Variants in CD300E observed in about 807,000 individuals in gnomAD.
CD300E encodes the protein CD300e molecule, also known as CMRF35-like molecule 2.
CD300E carries 14 observed loss-of-function variants against 20.9 expected under a neutral mutation model. The observed-to-expected ratio is 0.67, with a 90% CI of 0.44 to 1.05. The LOEUF (loss-of-function observed/expected upper bound fraction) is 1.05, where lower values mean the gene tolerates loss of function less well. Ranked by LOEUF, CD300E falls within the 50% of genes least tolerant of loss-of-function variation. The pLI is 0.00. For missense variants in CD300E, 237 were observed against 253.9 expected (o/e 0.93, Z 0.45); for synonymous variants, 102 against 103.7 (o/e 0.98, Z 0.10).
chr17:74,616,587 G>T (rs981188656), intron 2 of CD300E, among the ~76,000 whole-genome samples: 1 of 152,148 alleles, frequency 6.6e-6, no homozygotes, highest in African/African-American at 2.4e-5. Context: ...AGCATTTAAA[G>T]GAAGCAGGTG....
At position 74,617,147 on chromosome 17, in the gene CD300E, G is replaced by C. The variant is rs771231187; in HGVS notation, c.359C>G (p.Ser120Trp). The part of the protein sequence containing the change: ...WVLDSWSRDP[S>W]DLVRVYVSPA... ...GGAAACATACACCCTAACCAGGTCC[G>C]AGGGATCGCGTGACCATGAATCCAG... The change falls in exon 2 of 4, where the codon TCG becomes TGG. Residue 120 changes from serine (S) to tryptophan (W), a missense_variant. Physicochemically the swap from Ser to Trp is radical, Grantham distance 177 (BLOSUM62 -3). Coordinates refer to ENST00000392619, the MANE Select transcript of CD300E (RefSeq NM_181449.3). 4 of 1,614,080 alleles carry C rather than the reference G, an allele frequency of 2.5e-6. No homozygotes were observed. In the Admixed American group the frequency reaches 5.0e-5, roughly 20 times the overall value.
chr17:74,620,511 T>C (rs2030998000), intron 1 of CD300E, among the ~76,000 whole-genome samples: 2 of 151,758 alleles, frequency 1.3e-5, no homozygotes, highest in Admixed American at 1.3e-4. Flanking sequence ...AGCATGGTGG[T>C]GTGCACCTGT....
At chr17:74,619,625 T>TACACACACACACAC (rs992348148) in intron 1 of CD300E, among the ~76,000 whole-genome samples, 1 of 149,602 alleles carries the variant, frequency 6.7e-6, no homozygotes, top group African/African-American at 2.5e-5. Context: ...CACACACACA[T>TACACACACACACAC]ACACACACAC....
intron 1 of CD300E, among the ~76,000 whole-genome samples, chr17:74,618,040 C>T (rs188753508): frequency 3.0e-4 from 46 of 152,318 alleles, no homozygotes; most frequent in African/African-American, 1.0e-3. Flanking sequence ...ATGACCCCCC[C>T]GACAATAGTC....
rs117806320 is a variant in CD300E at position 74,615,061 on chromosome 17, C to G, written c.389-1028G>C. Reference sequence around the variant, plus strand: ...CATGAGCCCCACCCCGTTGGAGGGGCAGAGACACATAAACAGACGGACTCA... The same window carrying G: ...CATGAGCCCCACCCCGTTGGAGGGGGAGAGACACATAAACAGACGGACTCA... On this transcript the variant is annotated intron_variant, in intron 2 of 3. Transcript: ENST00000392619. Among the ~76,000 whole-genome samples, 19 of 152,346 alleles carry G rather than the reference C, an allele frequency of 1.2e-4. No homozygotes were observed. The East Asian group carries it at 3.5e-3, about 28-fold the overall frequency.
rs1458969819 is a variant in CD300E at position 74,611,159 on chromosome 17, A to G, written c.*1494T>C. On this transcript the variant is annotated 3_prime_UTR_variant, in exon 4 of 4. Coordinates refer to ENST00000392619, the MANE Select transcript of CD300E (RefSeq NM_181449.3). The stretch of plus-strand genomic sequence containing the variant: ...GCTCATCATCATATTTCCCGGGTTA[A>G]TATAATTAATATGGGCCTTGTTAGA... The G allele has an allele frequency of 2.0e-5, 3 of 152,220 alleles. No individual in the cohort carries two copies. The highest frequency in any genetic ancestry group is 7.2e-5 in the African/African-American group (3 of 41,454). 9.4% of individuals were successfully genotyped at this position (152,220 alleles called of 1,614,324 possible).
chr17:74,611,836 C>T lies in CD300E; in HGVS notation c.*817G>A, dbSNP rs900206808. 9 of 152,332 alleles carry T rather than the reference C, an allele frequency of 5.9e-5. No individual in the cohort carries two copies. The highest frequency in any genetic ancestry group is 3.3e-4 in the Admixed American group (5 of 15,292). The allele number at this position is 152,332 out of a possible 1,614,324, so 9.4% of individuals were successfully genotyped here. ...CCTGGAGCAGCTCATCCACGGCCCACCCAGGCAGAGATGTTCTGAGCCCAG... is the reference window on the plus strand; with the variant it reads ...CCTGGAGCAGCTCATCCACGGCCCATCCAGGCAGAGATGTTCTGAGCCCAG... On this transcript the variant is annotated 3_prime_UTR_variant, in exon 4 of 4. Coordinates refer to ENST00000392619, the MANE Select transcript of CD300E (RefSeq NM_181449.3).
Position 74,617,326 on chromosome 17 carries a change from G to A in CD300E, c.180C>T (p.Ser60=), listed in dbSNP as rs2030924700. ...CRGQYDTSCE[S]IVETKGEEKV... ...TCTCTTCTCCCTTGGTCTCCACAATGCTCTCACATGACGTGTCGTACTGTC... is the reference window on the plus strand; with the variant it reads ...TCTCTTCTCCCTTGGTCTCCACAATACTCTCACATGACGTGTCGTACTGTC... The change falls in exon 2 of 4, where the codon AGC becomes AGT. Residue 60 remains serine, a synonymous_variant. Transcript: ENST00000392619. 6.2e-7 allele frequency: 1 copy of A among 1,614,156 alleles called. No homozygotes were observed. Among genetic ancestry groups the A allele is most frequent in the East Asian group, 2.2e-5 (1 of 44,876 alleles).
chr17:74,623,122 A>G (rs1568036802), intron 1 of CD300E, among the ~76,000 whole-genome samples: 1 of 152,188 alleles, frequency 6.6e-6, no homozygotes, highest in Non-Finnish European at 1.5e-5. Context: ...TGAACTCTCC[A>G]TGGTCTTTAA....
At position 74,612,649 on chromosome 17, in the gene CD300E, G is replaced by C. The variant is rs568259090; in HGVS notation, c.*4C>G. The C allele has an allele frequency of 7.4e-6, 12 of 1,613,222 alleles. No homozygotes were observed. The Admixed American group carries it at 1.5e-4, about 20-fold the overall frequency. ...GCTCTGCAGGGCTTCGGGTCAGCCT[G>C]GCTCTATCTTCCAGGAGGAGCCCAC... On this transcript the variant is annotated 3_prime_UTR_variant, in exon 4 of 4. Coordinates refer to ENST00000392619, the MANE Select transcript of CD300E (RefSeq NM_181449.3).
intron 1 of CD300E, among the ~76,000 whole-genome samples, chr17:74,618,356 TGA>T (rs1050333323): frequency 6.6e-6 from 1 of 152,086 alleles, no homozygotes; most frequent in Non-Finnish European, 1.5e-5. Flanking sequence ...TGTGTGGGTG[TGA>T]GAGAGAGGGA....
At chr17:74,614,576 G>A (rs897911973) in intron 2 of CD300E, among the ~76,000 whole-genome samples, 11 of 150,988 alleles carry the variant, frequency 7.3e-5, no homozygotes, top group African/African-American at 2.2e-4. Flanking sequence ...TCCACCTCCC[G>A]GGTTCAAGCG....
At chr17:74,623,175 C>T (rs1003235990) in intron 1 of CD300E, among the ~76,000 whole-genome samples, 5 of 152,206 alleles carry the variant, frequency 3.3e-5, no homozygotes, top group Admixed American at 6.5e-5. Context: ...CCCACTCAGC[C>T]AACTCATTCA....
rs1255116440 is a variant in CD300E, at chr17:74,617,291, C to CTCTCCACCT, written c.206_214dup (p.Lys69_Glu71dup). ...GTCTCTGATGGACACGCGGCCATTC[C>CTCTCCACCT]TCTCCACCTTCTCTTCTCCCTTGGT... is the stretch of plus-strand genomic sequence containing the variant. On this transcript the variant is annotated inframe_insertion, in exon 2 of 4. Coordinates refer to ENST00000392619, the MANE Select transcript of CD300E (RefSeq NM_181449.3). 4 of 1,614,248 alleles carry CTCTCCACCT rather than the reference C, an allele frequency of 2.5e-6. No homozygotes were observed. Among genetic ancestry groups the CTCTCCACCT allele is most frequent in the Non-Finnish European group, 3.4e-6 (4 of 1,180,050 alleles).
chr17:74,614,500 T>C (rs890031366), intron 2 of CD300E, among the ~76,000 whole-genome samples: 4 of 136,854 alleles, frequency 2.9e-5, no homozygotes, highest in Non-Finnish European at 6.2e-5. Context: ...TTTTTTGAGA[T>C]GGAGTTTCAC....
chr17:74,614,095 C>T lies in CD300E; in HGVS notation c.389-62G>A, dbSNP rs1489278705. 3.2e-6 allele frequency: 4 copies of T among 1,244,266 alleles called. No homozygotes were observed. In the African/African-American group the frequency reaches 4.4e-5, roughly 14 times the overall value. The allele number at this position is 1,244,266 out of a possible 1,614,324, so 77.1% of individuals were successfully genotyped here. ...GGCTCCCAGCCATGCACAGAACACC[C>T]GTATGGATGTCATACAGAATCACCC... On this transcript the variant is annotated intron_variant, in intron 2 of 3. Transcript: ENST00000392619.
intron 1 of CD300E, among the ~76,000 whole-genome samples, chr17:74,619,608 T>TCA (rs143498126): frequency 4.9e-4 from 73 of 149,926 alleles, no homozygotes; most frequent in African/African-American, 8.8e-4. Context: ...CTCCTCTCAA[T>TCA]CACACACACA....
chr17:74,620,909 G>T (rs2031007915), intron 1 of CD300E, among the ~76,000 whole-genome samples: 1 of 152,084 alleles, frequency 6.6e-6, no homozygotes, highest in Non-Finnish European at 1.5e-5. Context: ...CAGGTGTGGT[G>T]GCATACGCCT....
intron 1 of CD300E, among the ~76,000 whole-genome samples, chr17:74,620,776 G>T (rs2031003910): frequency 6.6e-6 from 1 of 152,178 alleles, no homozygotes; most frequent in Non-Finnish European, 1.5e-5. Context: ...CTTGCAGAGG[G>T]GAGAGCCTGG....
Sources: gnomAD v4.1 joint callset for allele counts (sites outside exome capture counted in the v4.1 genomes callset) on GRCh38, gnomAD v4.1.1 for gene constraint, MANE v1.5 for transcripts, NCBI Gene and HGNC (gene_info 2026-07-23, HGNC 2026-07-21) for gene names.